Variants in CWF19L2 observed in about 807,000 individuals in gnomAD.
CWF19L2 encodes the protein CWF19 like cell cycle control factor 2, also known as CWF19-like protein 2.
Under a neutral mutation model 111.7 loss-of-function variants are expected in CWF19L2, and 98 were observed. That is an observed-to-expected ratio of 0.88 (90% CI 0.75 to 1.04). The LOEUF is 1.04. Ranked by LOEUF, CWF19L2 falls within the 50% of genes least tolerant of loss-of-function variation. The pLI is 0.00. For synonymous variants in CWF19L2, 351 were observed against 342.9 expected, an observed-to-expected ratio of 1.02 and a Z score of -0.26; for missense variants, 1,101 against 1,051.4, an observed-to-expected ratio of 1.05 and a Z score of -0.65.
At chr11:107,415,677 G>A (rs1219644850) in intron 10 of CWF19L2, among the ~76,000 whole-genome samples, 6 of 152,174 alleles carry the variant, frequency 3.9e-5, no homozygotes, top group Non-Finnish European at 7.3e-5. Flanking sequence ...GTCTCAGCCC[G>A]AGGCTTTTTT....
chr11:107,400,711 T>C (rs1415763048), intron 10 of CWF19L2, among the ~76,000 whole-genome samples: 1 of 152,172 alleles, frequency 6.6e-6, no homozygotes, highest in Admixed American at 6.5e-5. Context: ...CCTAATTCAT[T>C]CTGTGAAGCC....
chr11:107,435,406 T>C (rs889531184), intron 6 of CWF19L2, among the ~76,000 whole-genome samples: 5 of 152,168 alleles, frequency 3.3e-5, no homozygotes, highest in Admixed American at 6.6e-5. Context: ...AGCTACAAAA[T>C]TGTTTCTTCC....
chr11:107,442,954 G>T lies in CWF19L2; in HGVS notation c.435C>A (p.Asp145Glu). The change falls in exon 4 of 18, where the codon GAC becomes GAA. Residue 145 changes from aspartate (D) to glutamate (E), a missense_variant. Asp to Glu is a conservative substitution (Grantham distance 45, BLOSUM62 2). Coordinates refer to ENST00000282251, the MANE Select transcript of CWF19L2 (RefSeq NM_152434.3). Reference protein sequence around the residue: ...KVKDEKSGKDDTQIIKRDEWM... With the variant: ...KVKDEKSGKDETQIIKRDEWM... The stretch of plus-strand genomic sequence containing the variant: ...GCTTGCTTACCTTGATAATTTGGGT[G>T]TCATCTTTTCCTGACTTTTCATCTT... 1 of 1,548,318 alleles carries T rather than the reference G, an allele frequency of 6.5e-7. No individual in the cohort carries two copies.
intron 11 of CWF19L2, among the ~76,000 whole-genome samples, chr11:107,390,806 T>C (rs1481672380): frequency 2.0e-5 from 3 of 152,164 alleles, no homozygotes; most frequent in Non-Finnish European, 4.4e-5. Flanking sequence ...CAAAGTATTC[T>C]TCCTGGGTGT....
chr11:107,397,400 C>G (rs1375641969), intron 10 of CWF19L2, among the ~76,000 whole-genome samples: 1 of 152,100 alleles, frequency 6.6e-6, no homozygotes, highest in Non-Finnish European at 1.5e-5. Context: ...AGCTTTCCCC[C>G]ACTTCCCTGA....
chr11:107,358,775 G>A (rs773496603), intron 12 of CWF19L2, among the ~76,000 whole-genome samples: 3 of 152,140 alleles, frequency 2.0e-5, no homozygotes, highest in Non-Finnish European at 2.9e-5. Flanking sequence ...ACAGCTTTTA[G>A]TCAATTCTGT....
chr11:107,339,665 C>CT (rs34093897), intron 14 of CWF19L2, among the ~76,000 whole-genome samples: 8,323 of 129,912 alleles, frequency 0.064, 384 homozygotes, highest in East Asian at 0.13. Context: ...TTGTTTATCC[C>CT]TTTTTTTTTT....
At chr11:107,401,337 C>G (rs1860996287) in intron 10 of CWF19L2, among the ~76,000 whole-genome samples, 1 of 152,126 alleles carries the variant, frequency 6.6e-6, no homozygotes, top group Non-Finnish European at 1.5e-5. Flanking sequence ...CTCCAGAAAG[C>G]TTCTAGAACT....
At chr11:107,436,984 A>G (rs372943693) in intron 6 of CWF19L2, among the ~76,000 whole-genome samples, 21 of 152,324 alleles carry the variant, frequency 1.4e-4, no homozygotes, top group African/African-American at 4.1e-4. Flanking sequence ...CTAAAATATG[A>G]CAAAATAATT....
chr11:107,362,482 C>T lies in CWF19L2; in HGVS notation c.1873-8746G>A, dbSNP rs537140445. On this transcript the variant is annotated intron_variant, in intron 12 of 17. Transcript: ENST00000282251. ...CAGCACGCAGCTGGAGATCTGAATA[C>T]GGGCAGACTGCCTCCTCAAGTGGGT... 3.0e-4 allele frequency among the ~76,000 whole-genome samples: 45 copies of T among 152,264 alleles called. No individual in the cohort carries two copies. In the East Asian group the frequency reaches 5.0e-3, roughly 17 times the overall value.
intron 12 of CWF19L2, among the ~76,000 whole-genome samples, chr11:107,378,868 G>A (rs1173556797): frequency 4.6e-5 from 7 of 152,064 alleles, no homozygotes; most frequent in Middle Eastern, 3.4e-3. Context: ...AGATAGCATC[G>A]ATAGTGTGAT....
At chr11:107,378,643 G>A (rs1352179354) in intron 12 of CWF19L2, among the ~76,000 whole-genome samples, 1 of 152,126 alleles carries the variant, frequency 6.6e-6, no homozygotes, top group Non-Finnish European at 1.5e-5. Flanking sequence ...GGGAGGGATA[G>A]CACTGGGAGA....
At chr11:107,409,434 T>C (rs938711153) in intron 10 of CWF19L2, among the ~76,000 whole-genome samples, 1 of 152,252 alleles carries the variant, frequency 6.6e-6, no homozygotes, top group Admixed American at 6.5e-5. Flanking sequence ...ATCAGCAGTG[T>C]AGACAAAACT....
intron 12 of CWF19L2, among the ~76,000 whole-genome samples, chr11:107,371,266 G>T (rs1347515944): frequency 7.3e-6 from 1 of 137,230 alleles, no homozygotes; most frequent in Admixed American, 7.1e-5. Context: ...GCCTCCCAAA[G>T]TGCTGGGATT....
intron 12 of CWF19L2, among the ~76,000 whole-genome samples, chr11:107,379,406 T>A (rs2134581797): frequency 6.6e-6 from 1 of 152,364 alleles, no homozygotes; most frequent in East Asian, 1.9e-4. Context: ...TCACAGACAG[T>A]CCTTCTACAA....
chr11:107,367,252 T>C (rs1216187876), intron 12 of CWF19L2, among the ~76,000 whole-genome samples: 9 of 134,364 alleles, frequency 6.7e-5, no homozygotes, highest in Non-Finnish European at 8.0e-5. Context: ...GTTCAACCAT[T>C]GTGGAAGTCA....
intron 3 of CWF19L2, among the ~76,000 whole-genome samples, chr11:107,452,474 GA>G (rs1320381100): frequency 6.6e-6 from 1 of 152,044 alleles, no homozygotes; most frequent in Non-Finnish European, 1.5e-5. Context: ...GACATAAATG[GA>G]TAGAGAGATG....
chr11:107,327,137 T>A, intron 17 of CWF19L2, 84 bp from the exon 18 acceptor site: 2 of 1,293,106 alleles, frequency 1.5e-6, no homozygotes, highest in Non-Finnish European at 1.0e-6. Flanking sequence ...TATTCTGCTA[T>A]AAAATATAAC....
intron 1 of CWF19L2, among the ~76,000 whole-genome samples, chr11:107,457,175 C>A (rs1340910815): frequency 6.6e-6 from 1 of 152,146 alleles, no homozygotes; most frequent in African/African-American, 2.4e-5. Flanking sequence ...GTTTCGCGAT[C>A]TTTTGTGACA....
Sources: allele counts gnomAD v4.1 joint callset (sites outside exome capture counted in the v4.1 genomes callset), GRCh38; gene constraint gnomAD v4.1.1; transcripts MANE v1.5; gene names NCBI Gene and HGNC (gene_info 2026-07-23, HGNC 2026-07-21).